The following NRP1 variants were observed in gnomAD, a reference collection of about 807,000 sequenced individuals.
NRP1 encodes neuropilin-1.
NRP1 carries 35 observed loss-of-function variants against 106.7 expected under a neutral mutation model. The ratio of observed to expected loss-of-function variants is 0.33; its 90% confidence interval spans 0.25 to 0.43. The LOEUF (loss-of-function observed/expected upper bound fraction) is 0.43, where lower values mean the gene tolerates loss of function less well. Among genes scored for constraint, NRP1 ranks in the 20% least tolerant of loss-of-function variants. The probability of loss-of-function intolerance (pLI) is 1.00; values close to 1 mark genes in which losing one functional copy is unlikely to be tolerated. For synonymous variants in NRP1, 437 were observed against 417.9 expected (o/e 1.05, Z -0.56); for missense variants, 1,024 against 1,170.4 (o/e 0.87, Z 1.83).
intron 13 of NRP1, 79 bp downstream of exon 13, chr10:33,192,202 T>C: frequency 6.6e-7 from 1 of 1,504,690 alleles, no homozygotes; most frequent in Non-Finnish European, 9.0e-7. Context: ...TCACAGACAT[T>C]AGAAACCCTC....
intron 2 of NRP1, among the ~76,000 whole-genome samples, chr10:33,326,782 C>A (rs1564492936): frequency 6.6e-6 from 1 of 152,138 alleles, no homozygotes; most frequent in Non-Finnish European, 1.5e-5. Context: ...GAAGTATCCA[C>A]CTTTGACAGC....
intron 6 of NRP1, among the ~76,000 whole-genome samples, chr10:33,236,845 C>T (rs557072605): frequency 6.6e-6 from 1 of 152,316 alleles, no homozygotes; most frequent in African/African-American, 2.4e-5. Flanking sequence ...TTCTCTGGGG[C>T]AACCATTATG....
At chr10:33,271,777 T>A (rs12769036) in intron 2 of NRP1, among the ~76,000 whole-genome samples, 21,060 of 152,212 alleles carry the variant, frequency 0.14, 1,629 homozygotes, top group Middle Eastern at 0.24. Flanking sequence ...AATACACTAG[T>A]GTCCCCTAGG....
At chr10:33,297,688 A>T (rs1161612822) in intron 2 of NRP1, among the ~76,000 whole-genome samples, 1 of 69,660 alleles carries the variant, frequency 1.4e-5, no homozygotes, top group African/African-American at 3.6e-5. Flanking sequence ...CTTTGTCTCA[A>T]AAAAAAAAAA....
chr10:33,251,751 T>G (rs1436846938), intron 6 of NRP1, among the ~76,000 whole-genome samples: 2 of 152,144 alleles, frequency 1.3e-5, no homozygotes, highest in Non-Finnish European at 2.9e-5. Context: ...CGCAGAAGAA[T>G]TGCTACAGTT....
At position 33,192,384 on chromosome 10, in the gene NRP1, G is replaced by T; in HGVS notation, c.1959C>A (p.Gly653=). Residue 653 remains glycine (G), a synonymous_variant, in exon 13 of 17, where the codon GGC becomes GGA. Transcript: ENST00000374867. ...FPTYGFNCEF[G]WGSHKTFCHW... ...GGCAGAAGGTCTTGTGAGAGCCCCA[G>T]CCAAATTCACAGTTAAAACCATATG... 1 of 1,613,928 alleles carries T rather than the reference G, an allele frequency of 6.2e-7. No individual in the cohort carries two copies. The highest frequency in any genetic ancestry group is 8.5e-7 in the Non-Finnish European group (1 of 1,179,936).
intron 11 of NRP1, chr10:33,202,451 G>A (rs1198377632): frequency 3.4e-5 from 22 of 648,134 alleles, no homozygotes; most frequent in Non-Finnish European, 5.0e-5. Flanking sequence ...TCAAATATAA[G>A]CCTAACTTTA....
chr10:33,296,545 T>C (rs547665028), intron 2 of NRP1, among the ~76,000 whole-genome samples: 7 of 152,038 alleles, frequency 4.6e-5, no homozygotes, highest in Non-Finnish European at 1.0e-4. Context: ...TCCCCAGCAG[T>C]AACTGCTCAG....
At position 33,295,268 on chromosome 10, in the gene NRP1, A is replaced by G. The variant is rs148272086; in HGVS notation, c.249-24412T>C. Among the ~76,000 whole-genome samples, 152 of 152,306 alleles carry G rather than the reference A, an allele frequency of 1.0e-3. 1 individual carries two copies. The highest frequency in any genetic ancestry group is 3.4e-3 in the Middle Eastern group (1 of 294). ...GGGAGAGGTGAGCCATCACTTGGGA[A>G]CACAGGAGTAACATGGATCTGAACT... On this transcript the variant is annotated intron_variant, in intron 2 of 16. Coordinates refer to ENST00000374867, the MANE Select transcript of NRP1 (RefSeq NM_003873.7).
At chr10:33,298,818 G>T (rs1039487850) in intron 2 of NRP1, among the ~76,000 whole-genome samples, 1 of 152,108 alleles carries the variant, frequency 6.6e-6, no homozygotes, top group Non-Finnish European at 1.5e-5. Flanking sequence ...CAGGCACACC[G>T]TAGACACCAC....
chr10:33,187,379 T>C (rs1836083440), intron 13 of NRP1, among the ~76,000 whole-genome samples: 1 of 152,224 alleles, frequency 6.6e-6, no homozygotes, highest in African/African-American at 2.4e-5. Context: ...TTTTATACTT[T>C]TCAAGTTCAG....
At chr10:33,287,805 A>T (rs1269210210) in intron 2 of NRP1, among the ~76,000 whole-genome samples, 1 of 152,180 alleles carries the variant, frequency 6.6e-6, no homozygotes, top group Non-Finnish European at 1.5e-5. Context: ...TGTGACTAGG[A>T]TATCAATCAA....
intron 3 of NRP1, among the ~76,000 whole-genome samples, chr10:33,268,142 T>TTG (rs1378458918): frequency 6.6e-6 from 1 of 152,040 alleles, no homozygotes; most frequent in African/African-American, 2.4e-5. Flanking sequence ...ACCTGTGCTT[T>TTG]TGTGTGTGTG....
intron 1 of NRP1, 68 bp downstream of exon 1, chr10:33,334,241 GC>G: frequency 7.0e-7 from 1 of 1,429,404 alleles, no homozygotes. Context: ...CCCCGCCTGA[GC>G]CCCGGTCCGG....
intron 8 of NRP1, among the ~76,000 whole-genome samples, chr10:33,218,578 C>G (rs969037959): frequency 6.6e-6 from 1 of 152,056 alleles, no homozygotes; most frequent in Non-Finnish European, 1.5e-5. Context: ...ATCTCCTGAC[C>G]TCGTGATCCA....
chr10:33,241,340 C>A (rs1840999164), intron 6 of NRP1, among the ~76,000 whole-genome samples: 1 of 151,920 alleles, frequency 6.6e-6, no homozygotes, highest in Non-Finnish European at 1.5e-5. Context: ...TTTTCATGTT[C>A]CAGGAAAAAA....
At chr10:33,291,588 G>T (rs1844995210) in intron 2 of NRP1, among the ~76,000 whole-genome samples, 1 of 152,218 alleles carries the variant, frequency 6.6e-6, no homozygotes, top group Non-Finnish European at 1.5e-5. Flanking sequence ...ACTTCAGTAA[G>T]AAATTAGTAG....
intron 11 of NRP1, among the ~76,000 whole-genome samples, chr10:33,200,501 G>C (rs774125107): frequency 5.9e-5 from 9 of 152,136 alleles, no homozygotes; most frequent in Non-Finnish European, 8.8e-5. Flanking sequence ...GTCACCCCAG[G>C]AGAAGAAATT....
chr10:33,223,699 C>T (rs868516373), intron 7 of NRP1, among the ~76,000 whole-genome samples: 4 of 152,184 alleles, frequency 2.6e-5, no homozygotes, highest in Admixed American at 2.0e-4. Context: ...TAATTTATCC[C>T]AGCCTGTGAT....
Sources: gnomAD v4.1 joint callset for allele counts (sites outside exome capture counted in the v4.1 genomes callset) on GRCh38, gnomAD v4.1.1 for gene constraint, MANE v1.5 for transcripts, NCBI Gene and HGNC (gene_info 2026-07-23, HGNC 2026-07-21) for gene names.